ADGRD1: variants seen among roughly 807,000 people sequenced by gnomAD.
ADGRD1 encodes G-protein coupled receptor 133.
In ADGRD1, 77 loss-of-function variants were observed where a neutral mutation model predicts 113.4. The observed-to-expected ratio is 0.68, with a 90% CI of 0.57 to 0.82. The LOEUF (loss-of-function observed/expected upper bound fraction) is 0.82. Among genes scored for constraint, ADGRD1 ranks in the 40% least tolerant of loss-of-function variants. ADGRD1 has a pLI of 0.00. For missense variants in ADGRD1, 1,036 were observed against 1,139.1 expected (o/e 0.91, Z 1.30); for synonymous variants, 474 against 475.0 (o/e 1.00, Z 0.03).
At chr12:131,053,331 A>G (rs1883569382) in intron 13 of ADGRD1, among the ~76,000 whole-genome samples, 1 of 152,218 alleles carries the variant, frequency 6.6e-6, no homozygotes. Context: ...GTGCTGTGGC[A>G]TGTTGTCAAT....
At chr12:130,957,642 C>T (rs1869814361) in intron 2 of ADGRD1, 1 of 152,292 alleles carries the variant, frequency 6.6e-6, no homozygotes, top group Non-Finnish European at 1.5e-5. Context: ...GCAGTTTGAA[C>T]TCAGTCTTTG....
chr12:130,991,103 C>A (rs1455321309), intron 7 of ADGRD1, 25 bp downstream of exon 7: 10 of 1,601,778 alleles, frequency 6.2e-6, no homozygotes, highest in Non-Finnish European at 8.6e-6. Flanking sequence ...CTTCCTTGGT[C>A]CCCCTTGCTG....
intron 3 of ADGRD1, chr12:130,968,916 G>T (rs80224014): frequency 0.092 from 83,585 of 912,750 alleles, 4,331 homozygotes; most frequent in East Asian, 0.11. Context: ...AGATATGTTG[G>T]TCCCATTTGT....
intron 2 of ADGRD1, among the ~76,000 whole-genome samples, chr12:130,958,780 G>C (rs546325264): frequency 6.8e-6 from 1 of 146,748 alleles, no homozygotes; most frequent in East Asian, 1.9e-4. Context: ...TCCTTAACAC[G>C]TAGCATTTCA....
chr12:131,117,458 C>A (rs1008565215), intron 18 of ADGRD1, among the ~76,000 whole-genome samples: 1 of 152,178 alleles, frequency 6.6e-6, no homozygotes, highest in African/African-American at 2.4e-5. Context: ...CAGATCTGAT[C>A]TCTTGTGGTG....
intron 2 of ADGRD1, chr12:130,963,062 T>C (rs938923917): frequency 6.6e-6 from 1 of 152,212 alleles, no homozygotes. Context: ...GGCTCACGCC[T>C]GTAATCCCAG....
intron 20 of ADGRD1, among the ~76,000 whole-genome samples, chr12:131,121,371 GT>G (rs1314081236): frequency 6.6e-6 from 1 of 152,170 alleles, no homozygotes; most frequent in Admixed American, 6.5e-5. Context: ...CCAACTCAGA[GT>G]TTTTTGTTGT....
chr12:131,119,815 G>A (rs974616045), intron 19 of ADGRD1, among the ~76,000 whole-genome samples: 5 of 152,152 alleles, frequency 3.3e-5, no homozygotes, highest in African/African-American at 7.2e-5. Context: ...TCTCCTCTCC[G>A]TGCTCTGGGT....
chr12:130,971,487 A>C lies in ADGRD1; in HGVS notation c.217A>C (p.Ile73Leu), dbSNP rs1226923602. Residue 73 changes from isoleucine to leucine, a missense_variant, in exon 4 of 25, where the codon ATT becomes CTT. Physicochemically the swap from Ile to Leu is conservative, Grantham distance 5. Transcript: ENST00000261654. The surrounding 1 kb of genome is among the most constrained non-coding windows in gnomAD (Gnocchi z 4.2). ...TGTGGAAGGGAAGGTCAACAAAGGC[A>C]TTTACCTGAAAGAGGAAAAGGGAGT... is the stretch of plus-strand genomic sequence containing the variant. ...DIVEGKVNKG[I>L]YLKEEKGVTL... 19 of 1,613,698 alleles carry C rather than the reference A, an allele frequency of 1.2e-5. No homozygotes were observed. The highest frequency in any genetic ancestry group is 1.6e-5 in the Non-Finnish European group (19 of 1,179,778).
chr12:131,013,655 G>A (rs1878203738), intron 12 of ADGRD1, among the ~76,000 whole-genome samples: 1 of 152,178 alleles, frequency 6.6e-6, no homozygotes, highest in South Asian at 2.1e-4. Context: ...GAAGGGGATG[G>A]CCACCTAGAG....
At chr12:130,996,351 G>A (rs1334649589) in intron 8 of ADGRD1, among the ~76,000 whole-genome samples, 88 of 133,766 alleles carry the variant, frequency 6.6e-4, no homozygotes, top group African/African-American at 2.3e-3. Context: ...CAGTAGGGGC[G>A]GCCGGGCAGA....
Position 130,974,156 on chromosome 12 carries a change from C to T in ADGRD1, c.310+2576C>T, listed in dbSNP as rs368675360. 1.1e-4 allele frequency among the ~76,000 whole-genome samples: 16 copies of T among 152,210 alleles called. 1 individual carries two copies. Among genetic ancestry groups the T allele is most frequent in the African/African-American group, 2.6e-4 (11 of 41,524 alleles). On this transcript the variant is annotated intron_variant, in intron 4 of 24. Coordinates refer to ENST00000261654, the MANE Select transcript of ADGRD1 (RefSeq NM_198827.5). ...TCCTCTGCTGTATCCTTGGCTCAGG[C>T]GGATTCTCCTGGGGCCCTGATGAGC...
Position 131,003,219 on chromosome 12 carries a change from T to C in ADGRD1, c.1061T>C (p.Ile354Thr). Residue 354 changes from isoleucine to threonine, a missense_variant, in exon 10 of 25, where the codon ATT becomes ACT. Physicochemically the swap from Ile to Thr is moderately conservative, Grantham distance 89. Transcript: ENST00000261654. This position sits in a 1 kb window ranked among gnomAD's most constrained non-coding sequence, Gnocchi z 4.8. ...GTGGTACTGAGTCTCATCGACACTATTGACACCGTCATGGGCCATGTATCC... is the reference window on the plus strand; with the variant it reads ...GTGGTACTGAGTCTCATCGACACTACTGACACCGTCATGGGCCATGTATCC... Reference protein sequence around the residue: ...SAVVLSLIDTIDTVMGHVSSN... With the variant: ...SAVVLSLIDTTDTVMGHVSSN... 6.2e-7 allele frequency: 1 copy of C among 1,614,114 alleles called. No individual in the cohort carries two copies. The highest frequency in any genetic ancestry group is 8.5e-7 in the Non-Finnish European group (1 of 1,180,008).
rs565753073 is a variant in ADGRD1 at position 131,002,837 on chromosome 12, G to A, written c.1027-348G>A. 6.1e-5 allele frequency: 76 copies of A among 1,246,126 alleles called. No homozygotes were observed. In the South Asian group the frequency reaches 1.0e-3, roughly 17 times the overall value. The allele number at this position is 1,246,126 out of a possible 1,614,324, so 77.2% of individuals were successfully genotyped here. On this transcript the variant is annotated intron_variant, in intron 9 of 24. Transcript: ENST00000261654. Reference sequence around the variant, plus strand: ...AGCCCCTCCTCGTGAAGCACAGGGAGGTAGGGGGAGGGTCTGGGATGTGCT... The same window carrying A: ...AGCCCCTCCTCGTGAAGCACAGGGAAGTAGGGGGAGGGTCTGGGATGTGCT...
intron 13 of ADGRD1, among the ~76,000 whole-genome samples, chr12:131,067,266 G>A (rs191457885): frequency 2.0e-5 from 3 of 152,324 alleles, no homozygotes; most frequent in Non-Finnish European, 4.4e-5. Flanking sequence ...ATTGGTGGTG[G>A]TAGAGCTGGA....
chr12:131,139,124 C>A (rs770854675), intron 24 of ADGRD1, 44 bp from the exon 25 acceptor site: 3 of 1,493,300 alleles, frequency 2.0e-6, no homozygotes, highest in East Asian at 4.6e-5. Flanking sequence ...TGGCTCTCCC[C>A]CTGGGAGCAG....
At chr12:131,047,609 C>T (rs1050164312) in intron 13 of ADGRD1, among the ~76,000 whole-genome samples, 2 of 152,154 alleles carry the variant, frequency 1.3e-5, no homozygotes, top group African/African-American at 4.8e-5. Context: ...CTTCCTCTGC[C>T]GGGCTGGGGC....
rs1437861408 is a variant in ADGRD1 at position 130,966,449 on chromosome 12, C to A, written c.104-14C>A. On this transcript the variant is annotated splice_polypyrimidine_tract_variant and intron_variant, in intron 2 of 24. Coordinates refer to ENST00000261654, the MANE Select transcript of ADGRD1 (RefSeq NM_198827.5). The surrounding 1 kb of genome is among the most constrained non-coding windows in gnomAD (Gnocchi z 4.6). ...CTAATGATGATTTAAAATTTTTATT[C>A]TTTTTTCCCCAAGGATTTCAGGTGT... The A allele has an allele frequency of 6.4e-7, 1 of 1,574,698 alleles. No individual in the cohort carries two copies. Among genetic ancestry groups the A allele is most frequent in the South Asian group, 1.1e-5 (1 of 90,284 alleles).
At chr12:130,958,761 G>C (rs1280631440) in intron 2 of ADGRD1, among the ~76,000 whole-genome samples, 1 of 152,222 alleles carries the variant, frequency 6.6e-6, no homozygotes, top group Non-Finnish European at 1.5e-5. Context: ...TCCATCGCAA[G>C]AGAACAGCTC....
Sources: allele counts gnomAD v4.1 joint callset (sites outside exome capture counted in the v4.1 genomes callset), GRCh38; gene constraint gnomAD v4.1.1; non-coding constraint Gnocchi (gnomAD v3.1); transcripts MANE v1.5; gene names NCBI Gene and HGNC (gene_info 2026-07-23, HGNC 2026-07-21).